The following FBXO9 variants were observed in gnomAD, a reference collection of about 807,000 sequenced individuals.
The protein encoded by FBXO9 is F-box only protein 9.
In FBXO9, 43 loss-of-function variants were observed where a neutral mutation model predicts 63.7. The observed-to-expected ratio is 0.67, with a 90% confidence interval of 0.53 to 0.87. FBXO9 has a LOEUF of 0.87. Ranked by LOEUF, FBXO9 falls within the 40% of genes least tolerant of loss-of-function variation. FBXO9 has a pLI of 0.00. For missense variants in FBXO9, 442 were observed against 533.2 expected (o/e 0.83, Z 1.68); for synonymous variants, 156 against 171.7 (o/e 0.91, Z 0.72).
intron 5 of FBXO9, among the ~76,000 whole-genome samples, 177 bp downstream of exon 5, chr6:53,079,075 A>G (rs557897683): frequency 8.5e-5 from 13 of 152,308 alleles, no homozygotes; most frequent in African/African-American, 2.6e-4. Flanking sequence ...ACACATAGAA[A>G]TGCACCTTTT....
At chr6:53,072,834 G>T (rs1030471448) in intron 2 of FBXO9, among the ~76,000 whole-genome samples, 1 of 151,722 alleles carries the variant, frequency 6.6e-6, no homozygotes, top group Non-Finnish European at 1.5e-5. Context: ...AATTCTCATG[G>T]CTCAGCCTCC....
At chr6:53,093,442 G>T in intron 9 of FBXO9, 24 bp from the exon 10 acceptor site, 1 of 1,540,102 alleles carries the variant, frequency 6.5e-7, no homozygotes, top group Non-Finnish European at 9.0e-7. Context: ...GGTGTGTTTT[G>T]GTCTTCCTTT....
At chr6:53,084,750 C>T (rs1170952554) in intron 7 of FBXO9, among the ~76,000 whole-genome samples, 1 of 151,912 alleles carries the variant, frequency 6.6e-6, no homozygotes, top group Non-Finnish European at 1.5e-5. Context: ...GTCCGGTGTA[C>T]GTGTGGATAA....
At chr6:53,091,201 G>A (rs1581829047) in intron 7 of FBXO9, 1 of 152,254 alleles carries the variant, frequency 6.6e-6, no homozygotes, top group South Asian at 2.1e-4. Flanking sequence ...TCAGTAGTGG[G>A]ATCATACCTG....
chr6:53,074,433 T>A (rs908039998), intron 3 of FBXO9, among the ~76,000 whole-genome samples: 1 of 152,212 alleles, frequency 6.6e-6, no homozygotes, highest in Non-Finnish European at 1.5e-5. Context: ...ATAACTATAG[T>A]ACAATATCAA....
At chr6:53,095,100 T>G (rs1260430430) in intron 11 of FBXO9, among the ~76,000 whole-genome samples, 1 of 152,206 alleles carries the variant, frequency 6.6e-6, no homozygotes, top group African/African-American at 2.4e-5. Flanking sequence ...CCTTCACCAA[T>G]TTATCACTTT....
chr6:53,081,656 C>G (rs545628629), intron 6 of FBXO9, among the ~76,000 whole-genome samples: 1 of 152,326 alleles, frequency 6.6e-6, no homozygotes, highest in South Asian at 2.1e-4. Flanking sequence ...CAGTAAAGAT[C>G]TAACAGGGTA....
intron 12 of FBXO9, among the ~76,000 whole-genome samples, chr6:53,096,704 A>G (rs1184295854): frequency 6.6e-6 from 1 of 152,162 alleles, no homozygotes; most frequent in Non-Finnish European, 1.5e-5. Context: ...CAAGAGTTTG[A>G]GACCAGCCTG....
chr6:53,085,763 C>T (rs1762859226), intron 7 of FBXO9, among the ~76,000 whole-genome samples: 2 of 151,788 alleles, frequency 1.3e-5, no homozygotes, highest in Non-Finnish European at 2.9e-5. Context: ...TTAACAGTGC[C>T]TCCCATACAG....
intron 6 of FBXO9, 38 bp from the exon 7 acceptor site, chr6:53,082,466 A>G: frequency 7.3e-7 from 1 of 1,364,296 alleles, no homozygotes; most frequent in African/African-American, 1.4e-5. Flanking sequence ...ATAGAATGAC[A>G]TAGAGGAGAG....
intron 7 of FBXO9, among the ~76,000 whole-genome samples, chr6:53,086,191 G>A (rs1762879900): frequency 6.6e-6 from 1 of 152,130 alleles, no homozygotes; most frequent in South Asian, 2.1e-4. Context: ...ATTTTAGATT[G>A]GAAAGCCTTA....
chr6:53,086,590 G>A (rs1762893850), intron 7 of FBXO9, among the ~76,000 whole-genome samples: 2 of 152,268 alleles, frequency 1.3e-5, no homozygotes, highest in South Asian at 4.1e-4. Flanking sequence ...AGTATCCAGG[G>A]TTATATGTCT....
intron 3 of FBXO9, among the ~76,000 whole-genome samples, chr6:53,075,145 AT>A (rs1769052815): frequency 6.6e-6 from 1 of 151,614 alleles, no homozygotes; most frequent in Admixed American, 6.6e-5. Context: ...TAATTTATTT[AT>A]TTATTTTAAG....
Position 53,095,638 on chromosome 6 carries a change from A to G in FBXO9, c.1179A>G (p.Ile393Met). 6.2e-7 allele frequency: 1 copy of G among 1,610,990 alleles called. No homozygotes were observed. The highest frequency in any genetic ancestry group is 1.3e-5 in the African/African-American group (1 of 74,942). Reference protein sequence around the residue: ...GHQRFNKLIWIHHSCHITYKS... With the variant: ...GHQRFNKLIWMHHSCHITYKS... ...AGAGGTTCAACAAACTCATCTGGAT[A>G]CATCATTCTTGTCACATTACTTACA... Residue 393 changes from isoleucine to methionine, a missense_variant, in exon 12 of 13, where the codon ATA (isoleucine) becomes ATG (methionine). Coordinates refer to ENST00000323557, the MANE Select transcript of FBXO9 (RefSeq NM_033480.3).
intron 1 of FBXO9, among the ~76,000 whole-genome samples, chr6:53,068,875 C>G (rs1431405449): frequency 6.6e-6 from 1 of 152,062 alleles, no homozygotes; most frequent in East Asian, 1.9e-4. Context: ...GTCTCAAACT[C>G]CTGGGCTCAA....
At chr6:53,080,742 T>C (rs753402585) in intron 5 of FBXO9, among the ~76,000 whole-genome samples, 1 of 152,268 alleles carries the variant, frequency 6.6e-6, no homozygotes, top group African/African-American at 2.4e-5. Flanking sequence ...CCAAAAATTC[T>C]AATTCTTTCT....
At chr6:53,068,733 A>G (rs545789028) in intron 1 of FBXO9, among the ~76,000 whole-genome samples, 71 of 150,824 alleles carry the variant, frequency 4.7e-4, no homozygotes, top group Non-Finnish European at 9.9e-4. Context: ...GCTCACTGCA[A>G]CCTGCATCTC....
At chr6:53,085,850 CT>C (rs1762864081) in intron 7 of FBXO9, among the ~76,000 whole-genome samples, 1 of 152,078 alleles carries the variant, frequency 6.6e-6, no homozygotes, top group South Asian at 2.1e-4. Context: ...AGGAGCCCAA[CT>C]AGAAAATCCC....
intron 1 of FBXO9, chr6:53,066,012 C>T (rs1248548804): frequency 2.5e-6 from 3 of 1,212,102 alleles, no homozygotes; most frequent in Admixed American, 4.2e-5. Context: ...TGAGCCTCCC[C>T]AACCCCCGCC....
Sources: allele counts gnomAD v4.1 joint callset (sites outside exome capture counted in the v4.1 genomes callset), GRCh38; gene constraint gnomAD v4.1.1; transcripts MANE v1.5; gene names NCBI Gene and HGNC (gene_info 2026-07-23, HGNC 2026-07-21).